Variants in ESRRG observed in about 807,000 individuals in gnomAD.
ESRRG encodes the protein estrogen-related receptor gamma.
ESRRG carries 13 observed loss-of-function variants against 44.0 expected under a neutral mutation model. The ratio of observed to expected loss-of-function variants is 0.30; its 90% CI spans 0.19 to 0.47. The LOEUF (loss-of-function observed/expected upper bound fraction) is 0.47, where lower values mean the gene tolerates loss of function less well. Among genes scored for constraint, ESRRG ranks in the 20% least tolerant of loss-of-function variants. The pLI is 1.00. For synonymous variants in ESRRG, 215 were observed against 214.6 expected (o/e 1.00, Z -0.02); for missense variants, 395 against 580.6 (o/e 0.68, Z 3.29).
intron 2 of ESRRG, among the ~76,000 whole-genome samples, chr1:216,737,421 A>G (rs992064296): frequency 3.3e-5 from 5 of 152,130 alleles, no homozygotes. Context: ...ATTAAATGAA[A>G]TGGTCTATAT....
intron 3 of ESRRG, among the ~76,000 whole-genome samples, chr1:216,599,607 C>T (rs1299310297): frequency 6.6e-6 from 1 of 152,028 alleles, no homozygotes; most frequent in Non-Finnish European, 1.5e-5. Context: ...AGAAAATTAA[C>T]TCAGTTTCAA....
intron 1 of ESRRG, among the ~76,000 whole-genome samples, chr1:217,116,018 T>C (rs2092722011): frequency 6.6e-6 from 1 of 152,186 alleles, no homozygotes; most frequent in South Asian, 2.1e-4. Context: ...TTTGAGGATA[T>C]TTCACAAGGG....
At chr1:216,924,702 T>C (rs190585774) in intron 2 of ESRRG, among the ~76,000 whole-genome samples, 84 of 152,278 alleles carry the variant, frequency 5.5e-4, no homozygotes, top group African/African-American at 2.0e-3. Flanking sequence ...CAGGAAAGGC[T>C]CATGTCATGG....
chr1:216,993,314 C>A (rs1033531597), intron 1 of ESRRG, among the ~76,000 whole-genome samples: 10 of 152,308 alleles, frequency 6.6e-5, no homozygotes, highest in African/African-American at 2.4e-4. Flanking sequence ...CTCACCATCT[C>A]CCTCCTTCTC....
chr1:216,721,572 T>C (rs1432185003), intron 1 of ESRRG, among the ~76,000 whole-genome samples: 3 of 152,254 alleles, frequency 2.0e-5, no homozygotes. Flanking sequence ...TTCATTTAAA[T>C]GCATCTGCTT....
upstream of ESRRG, among the ~76,000 whole-genome samples, chr1:217,093,305 T>G (rs1049633468): frequency 6.6e-6 from 1 of 152,056 alleles, no homozygotes; most frequent in Admixed American, 6.6e-5. Context: ...GCTCCAAGCT[T>G]ACAAGTATGA....
upstream of ESRRG, among the ~76,000 whole-genome samples, chr1:216,725,781 T>C (rs765025127): frequency 1.3e-5 from 2 of 152,204 alleles, no homozygotes; most frequent in Non-Finnish European, 2.9e-5. Flanking sequence ...ATGTACTCAA[T>C]GCATCTTAAT....
intron 1 of ESRRG, among the ~76,000 whole-genome samples, chr1:217,133,631 T>TTCTTTCTTTCTTTCTTTCTTTCTC (rs1491192210): frequency 1.7e-5 from 1 of 58,450 alleles, no homozygotes; most frequent in African/African-American, 4.9e-5. Flanking sequence ...CTTTCTTTCT[T>TTCTTTCTTTCTTTCTTTCTTTCTC]TCTCTCTCTC....
At chr1:216,602,615 T>C (rs1228468982) in intron 3 of ESRRG, among the ~76,000 whole-genome samples, 1 of 152,172 alleles carries the variant, frequency 6.6e-6, no homozygotes, top group Non-Finnish European at 1.5e-5. Flanking sequence ...CCCAAGTGGA[T>C]TGGTGATTGT....
intron 3 of ESRRG, among the ~76,000 whole-genome samples, chr1:216,574,978 A>G (rs1000279620): frequency 1.3e-5 from 2 of 152,130 alleles, no homozygotes; most frequent in African/African-American, 2.4e-5. Flanking sequence ...TGAGATTTCT[A>G]TGAGGGAACC....
intron 1 of ESRRG, among the ~76,000 whole-genome samples, chr1:217,133,894 C>G (rs1034287124): frequency 6.6e-6 from 1 of 152,040 alleles, no homozygotes; most frequent in Admixed American, 6.6e-5. Context: ...CCTCCAGCAC[C>G]TGAATTCCAA....
chr1:216,542,923 C>G (rs12130540), intron 5 of ESRRG, among the ~76,000 whole-genome samples: 44,093 of 151,794 alleles, frequency 0.29, 7,385 homozygotes, highest in Admixed American at 0.4. Context: ...TTCTATCTCC[C>G]CCTTCCCCCC....
chr1:217,017,443 A>G lies in ESRRG; in HGVS notation c.-106+72064T>C, dbSNP rs572586869. ...CTGAATCTAGCTTGATTTTTTATTTACAAGATCCCTAGAGAAAAGAGAATC... is the reference window on the plus strand; with the variant it reads ...CTGAATCTAGCTTGATTTTTTATTTGCAAGATCCCTAGAGAAAAGAGAATC... On this transcript the variant is annotated intron_variant, in intron 1 of 7. Coordinates refer to the ESRRG transcript ENST00000359162. 1.4e-3 allele frequency among the ~76,000 whole-genome samples: 203 copies of G among 149,928 alleles called. 1 individual carries two copies. Among genetic ancestry groups the G allele is most frequent in the Non-Finnish European group, 2.0e-3 (135 of 67,628 alleles).
chr1:217,004,992 G>T (rs1050946319), intron 1 of ESRRG, among the ~76,000 whole-genome samples: 4 of 152,026 alleles, frequency 2.6e-5, no homozygotes, highest in Admixed American at 2.0e-4. Flanking sequence ...TAGTAATAAT[G>T]GTTCTACTCT....
intron 5 of ESRRG, among the ~76,000 whole-genome samples, chr1:216,541,605 T>C (rs1230961288): frequency 7.5e-6 from 1 of 133,828 alleles, no homozygotes; most frequent in Non-Finnish European, 1.5e-5. Flanking sequence ...TGTGTGTGTG[T>C]GTATGTGATC....
intron 1 of ESRRG, among the ~76,000 whole-genome samples, chr1:217,127,515 C>T (rs12122960): frequency 0.033 from 5,098 of 152,204 alleles, 107 homozygotes; most frequent in African/African-American, 0.048. Context: ...AATAGGTACT[C>T]GATAAGTATT....
intron 3 of ESRRG, among the ~76,000 whole-genome samples, chr1:216,630,664 C>CA (rs1326795963): frequency 6.6e-6 from 1 of 152,046 alleles, no homozygotes; most frequent in Admixed American, 6.5e-5. Context: ...GTTCTCTGAA[C>CA]AAAAAACCCT....
chr1:216,692,876 C>A (rs2079331368), intron 1 of ESRRG, among the ~76,000 whole-genome samples: 1 of 152,202 alleles, frequency 6.6e-6, no homozygotes, highest in African/African-American at 2.4e-5. Flanking sequence ...GGTTATATGA[C>A]ATAGCCTAGG....
At chr1:216,787,401 G>A (rs11117676) in intron 2 of ESRRG, among the ~76,000 whole-genome samples, 13,473 of 151,842 alleles carry the variant, frequency 0.089, 826 homozygotes, top group African/African-American at 0.17. Context: ...TCAGGAGTTC[G>A]AGACCAGTCT....
Sources: gnomAD v4.1 joint callset for allele counts (sites outside exome capture counted in the v4.1 genomes callset) on GRCh38, gnomAD v4.1.1 for gene constraint, MANE v1.5 for transcripts, NCBI Gene and HGNC (gene_info 2026-07-23, HGNC 2026-07-21) for gene names.